The following TBC1D12 variants were observed in gnomAD, a reference collection of about 807,000 sequenced individuals.
The protein encoded by TBC1D12 is TBC1 domain family member 12.
TBC1D12 carries 56 observed loss-of-function variants against 86.7 expected under a neutral mutation model. The ratio of observed to expected loss-of-function variants is 0.65; its 90% CI spans 0.52 to 0.81. The LOEUF is 0.81. Among genes scored for constraint, TBC1D12 ranks in the 30% least tolerant of loss-of-function variants. The pLI is 0.00. For missense variants in TBC1D12, 1,023 were observed against 1,038.8 expected (o/e 0.98, Z 0.21); for synonymous variants, 421 against 411.7 (o/e 1.02, Z -0.27).
At chr10:94,494,913 G>A (rs1488325977) in intron 4 of TBC1D12, among the ~76,000 whole-genome samples, 1 of 152,000 alleles carries the variant, frequency 6.6e-6, no homozygotes, top group Admixed American at 6.6e-5. Flanking sequence ...CTAGGCCAGA[G>A]TGCAGTGGTA....
At position 94,524,887 on chromosome 10, in the gene TBC1D12, C is replaced by T. The variant is rs140308555; in HGVS notation, c.2000+2434C>T. Among the ~76,000 whole-genome samples the T allele has an allele frequency of 9.0e-3, 1,368 of 151,406 alleles. 18 individuals are homozygous for T. Among genetic ancestry groups the T allele is most frequent in the African/African-American group, 0.03 (1,227 of 41,238 alleles). On this transcript the variant is annotated intron_variant, in intron 11 of 12. Coordinates refer to ENST00000225235, the MANE Select transcript of TBC1D12 (RefSeq NM_015188.2). ...TGTTGCCCGGGTTGGAGTGCAGTGG[C>T]GCAATCACAGCTCCTCCCACCTGGA...
intron 2 of TBC1D12, among the ~76,000 whole-genome samples, chr10:94,465,670 A>ATATGTGTGTGTG (rs1473804309): frequency 1.9e-4 from 26 of 137,956 alleles, no homozygotes; most frequent in Middle Eastern, 3.7e-3. Context: ...ATATATATAT[A>ATATGTGTGTGTG]TGTGTGTGTG....
intron 1 of TBC1D12, among the ~76,000 whole-genome samples, chr10:94,405,110 TC>T (rs1372270501): frequency 6.6e-6 from 1 of 151,900 alleles, no homozygotes; most frequent in Non-Finnish European, 1.5e-5. Context: ...TTCTTCTTCT[TC>T]TTCTTCTTTT....
At chr10:94,441,157 T>G (rs952453121) in intron 1 of TBC1D12, among the ~76,000 whole-genome samples, 9 of 143,368 alleles carry the variant, frequency 6.3e-5, no homozygotes, top group Non-Finnish European at 1.4e-4. Flanking sequence ...CTGGGTTTTG[T>G]TTTTTTTTTT....
intron 4 of TBC1D12, 125 bp downstream of exon 4, chr10:94,493,572 T>C: frequency 1.3e-6 from 1 of 777,812 alleles, no homozygotes; most frequent in South Asian, 1.9e-5. Flanking sequence ...TTCGTTTCTT[T>C]TTTGAGTCTT....
chr10:94,523,553 A>AT (rs199613472), intron 11 of TBC1D12, among the ~76,000 whole-genome samples: 2 of 151,936 alleles, frequency 1.3e-5, no homozygotes, highest in Non-Finnish European at 2.9e-5. Context: ...ATTGTCTGAA[A>AT]TTTTTTTTAA....
In TBC1D12 at chr10:94,402,607, C is replaced by A; in HGVS notation, c.-7C>A. 6.2e-7 allele frequency: 1 copy of A among 1,611,090 alleles called. No homozygotes were observed. Among genetic ancestry groups the A allele is most frequent in the Non-Finnish European group, 8.5e-7 (1 of 1,179,186 alleles). ...TGCCTCCTGGGGCGGCCGCCACCCA[C>A]CCCCAGATGGTGGGTCCGGAGGATG... is the stretch of plus-strand genomic sequence containing the variant. On this transcript the variant is annotated 5_prime_UTR_variant, in exon 1 of 13. Coordinates refer to ENST00000225235, the MANE Select transcript of TBC1D12 (RefSeq NM_015188.2).
chr10:94,527,486 T>C (rs1842323943), intron 11 of TBC1D12, among the ~76,000 whole-genome samples: 1 of 142,694 alleles, frequency 7.0e-6, no homozygotes, highest in Non-Finnish European at 1.5e-5. Flanking sequence ...AGATATTTTT[T>C]CCCATTCTGT....
rs766796868 is a variant in TBC1D12 at position 94,403,448 on chromosome 10, G to C, written c.835G>C (p.Val279Leu). 6.5e-7 allele frequency: 1 copy of C among 1,545,788 alleles called. No individual in the cohort carries two copies. The highest frequency in any genetic ancestry group is 1.4e-5 in the African/African-American group (1 of 71,360). ...IHFNSRNTFQ[V>L]SRGQSARDHL... The stretch of plus-strand genomic sequence containing the variant: ...CTTCAACTCTCGCAACACGTTCCAG[G>C]TGAGCCGCGGTCAGAGCGCCCGCGA... The change falls in exon 1 of 13, where the codon GTG (valine) becomes CTG (leucine). Residue 279 changes from valine to leucine, a missense_variant. This residue lies in a region of TBC1D12 where 628 missense variants were observed against 531.1 expected (regional missense o/e 1.18). Transcript: ENST00000225235.
In TBC1D12 at chr10:94,465,645, T is replaced by TAAA. The variant is rs774961028; in HGVS notation, c.1096-9014_1096-9012dup. Among the ~76,000 whole-genome samples, 1,297 of 130,998 alleles carry TAAA rather than the reference T, an allele frequency of 9.9e-3. 31 individuals are homozygous for TAAA. The highest frequency in any genetic ancestry group is 0.036 in the African/African-American group (1,219 of 33,884). 85.9% of individuals were successfully genotyped at this position (130,998 alleles called of 152,430 possible). A position where few individuals can be genotyped will look rare whatever the true frequency, so the allele number is the denominator to read the frequency against. On this transcript the variant is annotated intron_variant, in intron 2 of 12. Transcript: ENST00000225235. ...TGGGCGACAGAGCAAGACTCTTGCC[T>TAAA]AAAAAAAAAAATATATATATATATA...
Position 94,402,574 on chromosome 10 carries a change from T to A in TBC1D12, c.-40T>A, listed in dbSNP as rs772894361. ...TCTCTGGCCAAGCCTGCGCCTGTAG[T>A]CCTTCTTTGCCTCCTGGGGCGGCCG... On this transcript the variant is annotated 5_prime_UTR_variant, in exon 1 of 13. Coordinates refer to ENST00000225235, the MANE Select transcript of TBC1D12 (RefSeq NM_015188.2). 2.5e-6 allele frequency: 4 copies of A among 1,605,512 alleles called. No individual in the cohort carries two copies. In the African/African-American group the frequency reaches 5.4e-5, roughly 22 times the overall value.
intron 3 of TBC1D12, among the ~76,000 whole-genome samples, chr10:94,480,152 T>A (rs1402779318): frequency 1.3e-5 from 2 of 152,192 alleles, no homozygotes; most frequent in Non-Finnish European, 2.9e-5. Context: ...CTGAACGATC[T>A]GATTGTTTTC....
chr10:94,466,585 A>G (rs2055828305), intron 2 of TBC1D12, among the ~76,000 whole-genome samples: 1 of 152,122 alleles, frequency 6.6e-6, no homozygotes. Context: ...GTTTGTTTTA[A>G]TAAGCTTTTT....
At chr10:94,442,105 A>C in intron 2 of TBC1D12, 86 bp downstream of exon 2, 1 of 1,312,954 alleles carries the variant, frequency 7.6e-7, no homozygotes. Context: ...TTTTTAAACT[A>C]ACCATATTCT....
chr10:94,424,740 T>C (rs1425434259), intron 1 of TBC1D12, among the ~76,000 whole-genome samples: 1 of 152,158 alleles, frequency 6.6e-6, no homozygotes, highest in Non-Finnish European at 1.5e-5. Context: ...GGGTCAGTGC[T>C]GGGAAGGATA....
chr10:94,438,342 C>G (rs963976674), intron 1 of TBC1D12, among the ~76,000 whole-genome samples: 1 of 151,928 alleles, frequency 6.6e-6, no homozygotes, highest in African/African-American at 2.4e-5. Context: ...CTGTGGCTAG[C>G]TGGTGACCTG....
chr10:94,523,293 T>A (rs1224613647), intron 11 of TBC1D12, among the ~76,000 whole-genome samples: 1 of 151,410 alleles, frequency 6.6e-6, no homozygotes, highest in African/African-American at 2.4e-5. Context: ...GGGAATAATA[T>A]TATCTTTATC....
rs1564930146 is a variant in TBC1D12 at position 94,402,720 on chromosome 10, CG to C, written c.110del (p.Gly37AlafsTer97). 1.9e-6 allele frequency: 3 copies of C among 1,576,110 alleles called. No individual in the cohort carries two copies. Among genetic ancestry groups the C allele is most frequent in the Non-Finnish European group, 8.6e-7 (1 of 1,160,762 alleles). ...CAGGACAGGAAGGTAATCCGGGCCA[CG>C]GGCGGCTTTGGCGGAGGCGTCGGCG... The part of the protein sequence containing the change: ...VGQDRKVIRA[T>X]GGFGGGVGAV... On this transcript the variant is annotated frameshift_variant, in exon 1 of 13. Coordinates refer to ENST00000225235, the MANE Select transcript of TBC1D12 (RefSeq NM_015188.2). LOFTEE classifies it high-confidence loss of function.
Position 94,402,736 on chromosome 10 carries a change from A to C in TBC1D12, c.123A>C (p.Gly41=), listed in dbSNP as rs1283495680. 2 of 1,560,064 alleles carry C rather than the reference A, an allele frequency of 1.3e-6. No homozygotes were observed. Among genetic ancestry groups the C allele is most frequent in the South Asian group, 2.3e-5 (2 of 85,428 alleles). Residue 41 remains glycine (G), a synonymous_variant, in exon 1 of 13, where the codon GGA becomes GGC. Coordinates refer to ENST00000225235, the MANE Select transcript of TBC1D12 (RefSeq NM_015188.2). The part of the protein sequence containing the change: ...KVIRATGGFG[G]GVGAVEPPEE... ...TCCGGGCCACGGGCGGCTTTGGCGG[A>C]GGCGTCGGCGCTGTGGAGCCGCCGG...
Sources: allele counts gnomAD v4.1 joint callset (sites outside exome capture counted in the v4.1 genomes callset), GRCh38; gene constraint gnomAD v4.1.1; regional missense constraint gnomAD v4.1.1; transcripts MANE v1.5; gene names NCBI Gene and HGNC (gene_info 2026-07-23, HGNC 2026-07-21).